The following COL6A5 variants were observed in gnomAD, a reference collection of about 807,000 sequenced individuals.
The protein encoded by COL6A5 is collagen alpha-5(VI) chain.
In COL6A5, 48 loss-of-function variants were observed where a neutral mutation model predicts 65.6. The observed-to-expected ratio is 0.73, with a 90% CI of 0.58 to 0.93. The LOEUF is 0.93. COL6A5 is among the 40% of genes least tolerant of loss of function. The probability of loss-of-function intolerance (pLI) is 0.00; values close to 1 mark genes in which losing one functional copy is unlikely to be tolerated. For synonymous variants in COL6A5, 291 were observed against 322.8 expected, an observed-to-expected ratio of 0.90 and a Z score of 1.05; for missense variants, 914 against 928.3, an observed-to-expected ratio of 0.98 and a Z score of 0.20.
At chr3:130,346,710 C>T (rs1477654523) in intron 1 of COL6A5, among the ~76,000 whole-genome samples, 1 of 152,174 alleles carries the variant, frequency 6.6e-6, no homozygotes, top group Non-Finnish European at 1.5e-5. Context: ...TTACCAGGAT[C>T]TTCATAAGTT....
intron 7 of COL6A5, among the ~76,000 whole-genome samples, chr3:130,476,584 CTTTTG>C (rs1208832383): frequency 2.6e-5 from 4 of 151,970 alleles, no homozygotes; most frequent in Admixed American, 1.3e-4. Context: ...GGCATCAGTT[CTTTTG>C]TTTTGTTTTG....
chr3:130,459,553 A>T (rs947832926), intron 5 of COL6A5, among the ~76,000 whole-genome samples: 13 of 152,052 alleles, frequency 8.5e-5, no homozygotes, highest in Non-Finnish European at 1.3e-4. Flanking sequence ...AACATTCTCC[A>T]GTGTACAGGA....
intron 1 of COL6A5, among the ~76,000 whole-genome samples, chr3:130,350,214 A>G (rs758360107): frequency 3.9e-5 from 6 of 152,232 alleles, no homozygotes; most frequent in Non-Finnish European, 7.3e-5. Context: ...AGAATCTGCT[A>G]CGTGGATGCA....
chr3:130,434,085 C>T (rs1937937739), intron 1 of COL6A5, among the ~76,000 whole-genome samples: 1 of 152,096 alleles, frequency 6.6e-6, no homozygotes, highest in African/African-American at 2.4e-5. Flanking sequence ...AGTTTCCTCG[C>T]CTCAACCCCC....
exon 8 of COL6A5, chr3:130,484,707 A>T (rs373547455): frequency 1.5e-5 from 6 of 398,788 alleles, no homozygotes; most frequent in Middle Eastern, 6.2e-4. Context: ...AAATTTTAGC[A>T]GCTTTGCTTT....
At chr3:130,477,614 C>G (rs1376212600) in intron 7 of COL6A5, among the ~76,000 whole-genome samples, 3 of 151,998 alleles carry the variant, frequency 2.0e-5, no homozygotes, top group Non-Finnish European at 4.4e-5. Context: ...CTGGACCAGC[C>G]ACATCAGCAT....
intron 7 of COL6A5, among the ~76,000 whole-genome samples, chr3:130,475,418 A>G (rs1208920925): frequency 6.6e-6 from 1 of 152,136 alleles, no homozygotes; most frequent in Non-Finnish European, 1.5e-5. Flanking sequence ...TAGATTTCTC[A>G]TCAGAAACCA....
At chr3:130,354,167 G>A (rs1934832724) in intron 1 of COL6A5, among the ~76,000 whole-genome samples, 1 of 151,962 alleles carries the variant, frequency 6.6e-6, no homozygotes, top group Non-Finnish European at 1.5e-5. Flanking sequence ...TGATATTTAA[G>A]GATAAAGGAT....
intron 5 of COL6A5, among the ~76,000 whole-genome samples, chr3:130,468,345 T>C (rs1709865451): frequency 6.6e-6 from 1 of 152,042 alleles, no homozygotes; most frequent in South Asian, 2.1e-4. Flanking sequence ...TTTGAACACA[T>C]ATATAAAGGT....
At chr3:130,456,208 A>ATTCTGGGT (rs1299064628) in intron 5 of COL6A5, among the ~76,000 whole-genome samples, 7 of 152,130 alleles carry the variant, frequency 4.6e-5, no homozygotes, top group Non-Finnish European at 7.4e-5. Context: ...ATAGAACATA[A>ATTCTGGGT]ACTCCCTTGA....
In COL6A5 at chr3:130,373,709, T is replaced by C. The variant is rs73870610; in HGVS notation, c.67+4T>C. On this transcript the variant is annotated splice_donor_region_variant and intron_variant and NMD_transcript_variant, in intron 2 of 41. Transcript: ENST00000312481. ...ACATTGGCAGACCAGAGCCCAGGTATCAGTATATTTTACGTTTATTATTAT... is the reference window on the plus strand; with the variant it reads ...ACATTGGCAGACCAGAGCCCAGGTACCAGTATATTTTACGTTTATTATTAT... 3.4e-3 allele frequency: 5,167 copies of C among 1,510,562 alleles called. 132 individuals carry two copies. The African/African-American group carries it at 0.062, about 18-fold the overall frequency. 93.6% of individuals were successfully genotyped at this position (1,510,562 alleles called of 1,614,324 possible). A position where few individuals can be genotyped will look rare whatever the true frequency, so the allele number is the denominator to read the frequency against.
exon 3 of COL6A5, chr3:130,440,248 T>G: frequency 1.2e-6 from 2 of 1,613,350 alleles, no homozygotes; most frequent in Non-Finnish European, 1.7e-6. Context: ...TCATAGACAA[T>G]TCTCGGAATA....
exon 4 of COL6A5, chr3:130,379,582 A>G (rs1279599984): frequency 6.4e-7 from 1 of 1,551,324 alleles, no homozygotes; most frequent in Admixed American, 2.0e-5. Context: ...TGGACTGATG[A>G]GTTACAGCAA....
At chr3:130,438,298 A>G (rs2107700669) in intron 1 of COL6A5, among the ~76,000 whole-genome samples, 1 of 152,290 alleles carries the variant, frequency 6.6e-6, no homozygotes, top group Non-Finnish European at 1.5e-5. Flanking sequence ...CCAGGCCAAG[A>G]TAGAGGTTTT....
intron 1 of COL6A5, among the ~76,000 whole-genome samples, chr3:130,372,220 G>A (rs1054588951): frequency 6.6e-6 from 1 of 152,114 alleles, no homozygotes; most frequent in Non-Finnish European, 1.5e-5. Context: ...TGCTGAGAAT[G>A]TAAAATAGTG....
At chr3:130,380,405 A>C (rs193098767) in intron 4 of COL6A5, among the ~76,000 whole-genome samples, 1 of 152,058 alleles carries the variant, frequency 6.6e-6, no homozygotes. Flanking sequence ...TGTTGTCTTT[A>C]GTCTTTTCTG....
intron 5 of COL6A5, 71 bp downstream of exon 37, chr3:130,455,737 A>T (rs140838697): frequency 1.6e-6 from 2 of 1,227,028 alleles, no homozygotes; most frequent in Non-Finnish European, 2.3e-6. Flanking sequence ...ACTAGTAGAA[A>T]ATCAAATAAA....
At chr3:130,477,184 T>A (rs907577246) in intron 7 of COL6A5, 1 of 883,228 alleles carries the variant, frequency 1.1e-6, no homozygotes, top group African/African-American at 1.7e-5. Context: ...AATAATACAA[T>A]CTATCTCTGA....
intron 28 of COL6A5, 134 bp downstream of exon 28, chr3:130,422,916 A>G: frequency 1.9e-6 from 1 of 524,796 alleles, no homozygotes; most frequent in East Asian, 3.4e-5. Context: ...GTGACCTTCA[A>G]CACATCTTTT....
Sources: gnomAD v4.1 joint callset for allele counts (sites outside exome capture counted in the v4.1 genomes callset) on GRCh38, gnomAD v4.1.1 for gene constraint, MANE v1.5 for transcripts, NCBI Gene and HGNC (gene_info 2026-07-23, HGNC 2026-07-21) for gene names.